CHD6: variants seen among roughly 807,000 people sequenced by gnomAD.
The protein encoded by CHD6 is ATP-dependent chromatin remodeler CHD6.
In CHD6, 50 loss-of-function variants were observed where a neutral mutation model predicts 276.9. That is an observed-to-expected ratio of 0.18 (90% CI 0.14 to 0.23). CHD6 has a LOEUF of 0.23. Ranked by LOEUF, CHD6 falls within the 10% of genes least tolerant of loss-of-function variation. CHD6 has a pLI of 1.00. For missense variants in CHD6, 2,564 were observed against 3,365.8 expected, an observed-to-expected ratio of 0.76 and a Z score of 5.89; for synonymous variants, 1,173 against 1,229.3, an observed-to-expected ratio of 0.95 and a Z score of 0.96.
chr20:41,515,035 A>G (rs1433438943), intron 3 of CHD6, 83 bp from the exon 4 acceptor site: 1 of 1,445,782 alleles, frequency 6.9e-7, no homozygotes, highest in Non-Finnish European at 9.6e-7. Flanking sequence ...ATGAAATCAC[A>G]TCCTGGAATT....
chr20:41,596,354 T>C (rs773210191), intron 1 of CHD6, among the ~76,000 whole-genome samples: 7 of 152,100 alleles, frequency 4.6e-5, no homozygotes, highest in Admixed American at 6.5e-5. Flanking sequence ...AAACCACTAT[T>C]AGATGATCCT....
chr20:41,410,726 C>G (rs1569042402), intron 36 of CHD6, among the ~76,000 whole-genome samples: 4 of 152,084 alleles, frequency 2.6e-5, no homozygotes, highest in African/African-American at 9.7e-5. Context: ...AAAGGGTCAG[C>G]ATCTGTAGGG....
intron 2 of CHD6, among the ~76,000 whole-genome samples, chr20:41,541,866 G>A (rs370412556): frequency 2.6e-5 from 4 of 152,128 alleles, no homozygotes; most frequent in Non-Finnish European, 5.9e-5. Flanking sequence ...ATTAAAATGG[G>A]GAGACGGGGA....
At chr20:41,469,794 C>T (rs1267141863) in intron 17 of CHD6, among the ~76,000 whole-genome samples, 5 of 152,170 alleles carry the variant, frequency 3.3e-5, no homozygotes, top group Admixed American at 1.3e-4. Flanking sequence ...ATTAAGGGGA[C>T]GTAAAAATTG....
intron 3 of CHD6, among the ~76,000 whole-genome samples, chr20:41,529,261 C>T (rs1468726125): frequency 1.3e-5 from 2 of 152,096 alleles, no homozygotes; most frequent in Non-Finnish European, 2.9e-5. Flanking sequence ...GAGCTCTATC[C>T]ATTTATTCTT....
chr20:41,454,811 G>T, intron 19 of CHD6, 75 bp from the exon 20 acceptor site: 1 of 972,398 alleles, frequency 1.0e-6, no homozygotes, highest in South Asian at 1.5e-5. Flanking sequence ...GTTACTTCAA[G>T]AGAAACCTAA....
At chr20:41,606,633 C>T (rs1408594668) in intron 1 of CHD6, among the ~76,000 whole-genome samples, 7 of 150,664 alleles carry the variant, frequency 4.6e-5, no homozygotes, top group Non-Finnish European at 7.4e-5. Context: ...AGAGATCGCA[C>T]CACTGCACTT....
chr20:41,421,028 T>G lies in CHD6; in HGVS notation c.5607A>C (p.Glu1869Asp), dbSNP rs762309882. The G allele has an allele frequency of 6.2e-7, 1 of 1,613,748 alleles. No homozygotes were observed. Among genetic ancestry groups the G allele is most frequent in the South Asian group, 1.1e-5 (1 of 90,996 alleles). Reference protein sequence around the residue: ...LSQNHSDEEEEEEENEEENLA... With the variant: ...LSQNHSDEEEDEEENEEENLA... ...AGTTTTCCTCCTCGTTTTCCTCCTC[T>G]TCTTCCTCCTCATCACTGTGGTTCT... The change falls in exon 31 of 37, where the codon GAA becomes GAC. Residue 1869 changes from glutamate (E) to aspartate (D), a missense_variant. Transcript: ENST00000373233.
chr20:41,563,867 A>G (rs2146191479), intron 1 of CHD6: 2 of 573,000 alleles, frequency 3.5e-6, no homozygotes, highest in East Asian at 5.8e-5. Context: ...CAGAGCCCTG[A>G]AAATTCAAGT....
chr20:41,480,014 C>T (rs954620704), intron 16 of CHD6, among the ~76,000 whole-genome samples: 1 of 152,190 alleles, frequency 6.6e-6, no homozygotes, highest in Admixed American at 6.5e-5. Flanking sequence ...AAATGATTTA[C>T]AACCTAGAAT....
chr20:41,421,284 A>G lies in CHD6; in HGVS notation c.5351T>C (p.Ile1784Thr), dbSNP rs1269669285. ...IKNGKHLLMSISKEGELCCSE... is the reference protein window; with the variant it reads ...IKNGKHLLMSTSKEGELCCSE... ...GCAGCAGAGCTCCCCTTCCTTTGAA[A>G]TAGACATCAACAAATGTTTTCCATT... is the stretch of plus-strand genomic sequence containing the variant. The change falls in exon 31 of 37, where the codon ATT becomes ACT. Residue 1784 changes from isoleucine (I) to threonine (T), a missense_variant. Coordinates refer to ENST00000373233, the MANE Select transcript of CHD6 (RefSeq NM_032221.5). The G allele has an allele frequency of 6.2e-7, 1 of 1,614,140 alleles. No individual in the cohort carries two copies. Among genetic ancestry groups the G allele is most frequent in the Non-Finnish European group, 8.5e-7 (1 of 1,180,034 alleles).
chr20:41,519,840 A>G (rs1345742544), intron 3 of CHD6, among the ~76,000 whole-genome samples: 1 of 152,234 alleles, frequency 6.6e-6, no homozygotes, highest in African/African-American at 2.4e-5. Context: ...TAATTAAACT[A>G]AAGAGCTTCT....
At chr20:41,491,345 G>GGTTTT (rs993120811) in intron 11 of CHD6, among the ~76,000 whole-genome samples, 19 of 145,560 alleles carry the variant, frequency 1.3e-4, no homozygotes, top group African/African-American at 4.5e-4. Context: ...TATATTTTTT[G>GGTTTT]GTTTTGTTTT....
intron 17 of CHD6, among the ~76,000 whole-genome samples, chr20:41,467,303 G>A (rs1229790622): frequency 6.6e-6 from 1 of 151,924 alleles, no homozygotes; most frequent in African/African-American, 2.4e-5. Context: ...AAAAAAACAT[G>A]AGATAGAGAA....
rs575254781 is a variant in CHD6 at position 41,560,364 on chromosome 20, T to C, written c.-23-9004A>G. ...CACCTGTGGGTTCCGACTCCTGCCC[T>C]GCTCATTCAGGTCTTATTCAGGCCC... On this transcript the variant is annotated intron_variant, in intron 1 of 36. Coordinates refer to ENST00000373233, the MANE Select transcript of CHD6 (RefSeq NM_032221.5). Among the ~76,000 whole-genome samples the C allele has an allele frequency of 8.2e-4, 125 of 152,346 alleles. 1 individual carries two copies. Among genetic ancestry groups the C allele is most frequent in the African/African-American group, 2.8e-3 (115 of 41,584 alleles).
chr20:41,591,385 C>CACAG (rs1568721933), intron 1 of CHD6, among the ~76,000 whole-genome samples: 1 of 123,406 alleles, frequency 8.1e-6, no homozygotes. Context: ...TATATACACA[C>CACAG]ACACACACAC....
chr20:41,445,825 G>T (rs1041974534), intron 24 of CHD6, 57 bp from the exon 25 acceptor site: 2 of 1,063,872 alleles, frequency 1.9e-6, no homozygotes, highest in Admixed American at 1.7e-5. Context: ...TCCAACCCTG[G>T]TATTAGGCCA....
intron 6 of CHD6, among the ~76,000 whole-genome samples, chr20:41,498,803 A>ATGTG (rs1270775232): frequency 2.9e-4 from 28 of 96,044 alleles, no homozygotes; most frequent in African/African-American, 1.6e-3. Context: ...GTATGTATGT[A>ATGTG]TGTATGTATG....
intron 16 of CHD6, among the ~76,000 whole-genome samples, chr20:41,482,727 C>G (rs1034196370): frequency 2.0e-5 from 3 of 152,120 alleles, no homozygotes; most frequent in Non-Finnish European, 2.9e-5. Context: ...CCAAATAACC[C>G]ACACAGCACC....
Sources: allele counts gnomAD v4.1 joint callset (sites outside exome capture counted in the v4.1 genomes callset), GRCh38; gene constraint gnomAD v4.1.1; transcripts MANE v1.5; gene names NCBI Gene and HGNC (gene_info 2026-07-23, HGNC 2026-07-21).